MOB3B: variants seen among roughly 807,000 people sequenced by gnomAD.
The protein encoded by MOB3B is MOB kinase activator-like 2B.
In MOB3B, 7 loss-of-function variants were observed where a neutral mutation model predicts 18.7. The ratio of observed to expected loss-of-function variants is 0.37; its 90% CI spans 0.21 to 0.70. The LOEUF (loss-of-function observed/expected upper bound fraction) is 0.70, where lower values mean the gene tolerates loss of function less well. Among genes scored for constraint, MOB3B ranks in the 30% least tolerant of loss-of-function variants. The probability of loss-of-function intolerance (pLI) is 0.52; values close to 1 mark genes in which losing one functional copy is unlikely to be tolerated. For synonymous variants in MOB3B, 111 were observed against 99.9 expected, an observed-to-expected ratio of 1.11 and a Z score of -0.66; for missense variants, 253 against 281.3, an observed-to-expected ratio of 0.90 and a Z score of 0.72.
Position 27,330,494 on chromosome 9 carries a change from G to A in MOB3B, c.*93C>T, listed in dbSNP as rs1820770398. The A allele has an allele frequency of 6.4e-7, 1 of 1,550,616 alleles. No homozygotes were observed. Among genetic ancestry groups the A allele is most frequent in the Admixed American group, 1.8e-5 (1 of 56,308 alleles). ...CCACCTCTGCTGTTCCTGGGAGTAG[G>A]TGTGTCATTTCAGCCAGGGTGGTCC... On this transcript the variant is annotated 3_prime_UTR_variant, in exon 4 of 4. Coordinates refer to ENST00000262244, the MANE Select transcript of MOB3B (RefSeq NM_024761.5).
In MOB3B at chr9:27,325,815, G is replaced by C. The variant is rs1034844395; in HGVS notation, c.*4772C>G. The C allele has an allele frequency of 6.6e-6, 1 of 152,130 alleles. No individual in the cohort carries two copies. Among genetic ancestry groups the C allele is most frequent in the Admixed American group, 6.6e-5 (1 of 15,266 alleles). 9.4% of individuals were successfully genotyped at this position (152,130 alleles called of 1,614,324 possible). On this transcript the variant is annotated 3_prime_UTR_variant, in exon 4 of 4. Transcript: ENST00000262244. The stretch of plus-strand genomic sequence containing the variant: ...ATCTTTTTGCTTTTGTTTTCTCCCA[G>C]TGTGGTACTCATGGAGTATGGAAGG...
chr9:27,513,705 C>T (rs1489312494), intron 1 of MOB3B, among the ~76,000 whole-genome samples: 1 of 152,214 alleles, frequency 6.6e-6, no homozygotes, highest in Non-Finnish European at 1.5e-5. Context: ...CTTAGCTCAT[C>T]CATCACCTCC....
chr9:27,419,522 T>G (rs1822208054), intron 2 of MOB3B, among the ~76,000 whole-genome samples: 1 of 152,104 alleles, frequency 6.6e-6, no homozygotes. Flanking sequence ...CCAACCGATC[T>G]TCAACAAAGC....
intron 2 of MOB3B, among the ~76,000 whole-genome samples, chr9:27,366,860 C>A (rs557288965): frequency 3.9e-5 from 6 of 152,334 alleles, no homozygotes; most frequent in African/African-American, 1.4e-4. Flanking sequence ...TGGTTACTGC[C>A]TCTTCTTTCT....
chr9:27,414,018 C>T (rs1022527463), intron 2 of MOB3B, among the ~76,000 whole-genome samples: 9 of 152,186 alleles, frequency 5.9e-5, no homozygotes, highest in Non-Finnish European at 1.2e-4. Context: ...TGGACTTAAG[C>T]TTTCATTTAG....
chr9:27,332,974 G>A (rs2131330674), intron 3 of MOB3B, among the ~76,000 whole-genome samples: 1 of 152,306 alleles, frequency 6.6e-6, no homozygotes, highest in South Asian at 2.1e-4. Context: ...ATAGGTGGTT[G>A]CAGTCATTCA....
intron 2 of MOB3B, among the ~76,000 whole-genome samples, chr9:27,386,320 T>C (rs1821649923): frequency 6.6e-6 from 1 of 152,198 alleles, no homozygotes; most frequent in Non-Finnish European, 1.5e-5. Flanking sequence ...TCCATTTCAG[T>C]ATTATCATTA....
rs554722803 is a variant in MOB3B at position 27,524,803 on chromosome 9, A to T, written c.-199+4752T>A. Reference sequence around the variant, plus strand: ...AAACCCTCAGAAGCCAGGGTCCCCCAGCTGAGCAGCCTGGAACTGAGGAGA... The same window carrying T: ...AAACCCTCAGAAGCCAGGGTCCCCCTGCTGAGCAGCCTGGAACTGAGGAGA... On this transcript the variant is annotated intron_variant, in intron 1 of 3. Coordinates refer to ENST00000262244, the MANE Select transcript of MOB3B (RefSeq NM_024761.5). 15 of 1,614,134 alleles carry T rather than the reference A, an allele frequency of 9.3e-6. No homozygotes were observed. In the South Asian group the frequency reaches 1.5e-4, roughly 17 times the overall value.
chr9:27,371,663 A>G lies in MOB3B; in HGVS notation c.419-12427T>C, dbSNP rs115593252. Among the ~76,000 whole-genome samples, 890 of 152,338 alleles carry G rather than the reference A, an allele frequency of 5.8e-3. 9 individuals are homozygous for G. The highest frequency in any genetic ancestry group is 0.021 in the African/African-American group (869 of 41,576). On this transcript the variant is annotated intron_variant, in intron 2 of 3. Transcript: ENST00000262244. ...CTTCAGGGATTACAAAGGAACATGA[A>G]TGAGTAAAGTAGGCTGGGTGTAATA...
chr9:27,428,628 T>A (rs1822372207), intron 2 of MOB3B, among the ~76,000 whole-genome samples: 1 of 152,194 alleles, frequency 6.6e-6, no homozygotes, highest in Non-Finnish European at 1.5e-5. Flanking sequence ...TTAGGATAAT[T>A]TATTGACATG....
chr9:27,393,204 CTG>C (rs747299644), intron 2 of MOB3B, among the ~76,000 whole-genome samples: 1 of 152,136 alleles, frequency 6.6e-6, no homozygotes, highest in Non-Finnish European at 1.5e-5. Flanking sequence ...GTTTAAAAGG[CTG>C]TCTAGGTCAG....
At chr9:27,491,443 T>C (rs537435821) in intron 1 of MOB3B, among the ~76,000 whole-genome samples, 1 of 152,312 alleles carries the variant, frequency 6.6e-6, no homozygotes, top group South Asian at 2.1e-4. Context: ...TTGGGGCCCA[T>C]GTTGAATTTG....
chr9:27,511,500 G>A (rs1820143914), intron 1 of MOB3B, among the ~76,000 whole-genome samples: 2 of 152,168 alleles, frequency 1.3e-5, no homozygotes, highest in Non-Finnish European at 1.5e-5. Context: ...TGGCTCCTGT[G>A]AGAAAGAAGC....
At chr9:27,362,069 C>A (rs1821282454) in intron 2 of MOB3B, among the ~76,000 whole-genome samples, 1 of 152,190 alleles carries the variant, frequency 6.6e-6, no homozygotes, top group Non-Finnish European at 1.5e-5. Context: ...AGACTGTCTC[C>A]AAGCGGCTCT....
chr9:27,331,162 C>A (rs989245407), intron 3 of MOB3B, among the ~76,000 whole-genome samples: 2 of 152,100 alleles, frequency 1.3e-5, no homozygotes, highest in Non-Finnish European at 2.9e-5. Flanking sequence ...AATAATACAC[C>A]AAAGTGTCTG....
chr9:27,481,497 GTTTTTT>G (rs749380961), intron 1 of MOB3B, among the ~76,000 whole-genome samples: 1 of 89,008 alleles, frequency 1.1e-5, no homozygotes, highest in Non-Finnish European at 2.2e-5. Context: ...AAGGAAGGTA[GTTTTTT>G]TTTTTTTGTT....
chr9:27,525,563 T>C (rs527887785), intron 1 of MOB3B, among the ~76,000 whole-genome samples: 1 of 152,274 alleles, frequency 6.6e-6, no homozygotes, highest in African/African-American at 2.4e-5. Flanking sequence ...CATAGTGAAA[T>C]TGGATGGATG....
chr9:27,377,358 T>C (rs1245798305), intron 2 of MOB3B, among the ~76,000 whole-genome samples: 1 of 152,176 alleles, frequency 6.6e-6, no homozygotes, highest in African/African-American at 2.4e-5. Flanking sequence ...GATGAGACGA[T>C]GAGTCATTCT....
chr9:27,528,886 A>T (rs1469389669), intron 1 of MOB3B, among the ~76,000 whole-genome samples: 2 of 152,066 alleles, frequency 1.3e-5, no homozygotes, highest in Non-Finnish European at 2.9e-5. Flanking sequence ...GCAATCAAAG[A>T]AAACTTGAAG....
Sources: allele counts gnomAD v4.1 joint callset (sites outside exome capture counted in the v4.1 genomes callset), GRCh38; gene constraint gnomAD v4.1.1; transcripts MANE v1.5; gene names NCBI Gene and HGNC (gene_info 2026-07-23, HGNC 2026-07-21).